COL2A1: variants seen among roughly 807,000 people sequenced by gnomAD.
COL2A1 encodes collagen alpha-1(II) chain.
COL2A1 carries 28 observed loss-of-function variants against 204.5 expected under a neutral mutation model. The ratio of observed to expected loss-of-function variants is 0.14; its 90% CI spans 0.10 to 0.19. The LOEUF (loss-of-function observed/expected upper bound fraction) is 0.19. Ranked by LOEUF, COL2A1 falls within the 10% of genes least tolerant of loss-of-function variation. The pLI, the probability that COL2A1 is intolerant of heterozygous loss-of-function variation, is 1.00. For missense variants in COL2A1, 1,388 were observed against 2,027.5 expected, an observed-to-expected ratio of 0.68 and a Z score of 6.06; for synonymous variants, 708 against 718.7, an observed-to-expected ratio of 0.99 and a Z score of 0.24.
chr12:47,994,619 C>T (rs548366201), intron 11 of COL2A1, 142 bp from the exon 12 acceptor site: 32 of 847,926 alleles, frequency 3.8e-5, no homozygotes, highest in Middle Eastern at 3.3e-4. Context: ...TCAGACTCCA[C>T]GTGCCTGGAT....
Position 47,995,877 on chromosome 12 carries a change from G to C in COL2A1, c.652C>G (p.Pro218Ala). ...CAAAAAGAATTGCAGATACTTACAG[G>C]AGCACCTGCAGGGCCTGGAGGTCCT... ...PRGPPGPAGAPGPQGFQGNPG... is the reference protein window; with the variant it reads ...PRGPPGPAGAAGPQGFQGNPG... Residue 218 changes from proline (P) to alanine (A), a missense_variant and splice_region_variant, in exon 9 of 54, where the codon CCT becomes GCT. By Grantham distance (27) the Pro-to-Ala change is conservative. Coordinates refer to ENST00000380518, the MANE Select transcript of COL2A1 (RefSeq NM_001844.5). 1 of 1,612,304 alleles carries C rather than the reference G, an allele frequency of 6.2e-7. No homozygotes were observed. The highest frequency in any genetic ancestry group is 8.5e-7 in the Non-Finnish European group (1 of 1,178,320).
At position 47,989,411 on chromosome 12, in the gene COL2A1, C is replaced by A. The variant is rs894085862; in HGVS notation, c.1069-130G>T. The A allele has an allele frequency of 1.0e-5, 9 of 865,060 alleles. No homozygotes were observed. In the Admixed American group the frequency reaches 1.2e-4, roughly 12 times the overall value. 53.6% of individuals were successfully genotyped at this position (865,060 alleles called of 1,614,324 possible). On this transcript the variant is annotated intron_variant, in intron 17 of 53. Coordinates refer to ENST00000380518, the MANE Select transcript of COL2A1 (RefSeq NM_001844.5). The stretch of plus-strand genomic sequence containing the variant: ...CTCCATATCCATTGTGGCTAAAAGG[C>A]CTTGGATGAAAATTGTCCCCATTGC...
At chr12:47,981,294 G>C (rs1939065908) in intron 37 of COL2A1, 49 bp downstream of exon 37, 1 of 1,592,762 alleles carries the variant, frequency 6.3e-7, no homozygotes, top group Non-Finnish European at 8.6e-7. Context: ...TGGCTCTCTG[G>C]TTCCCAGGGG....
intron 10 of COL2A1, 149 bp downstream of exon 10, chr12:47,995,561 C>A: frequency 1.1e-6 from 1 of 915,084 alleles, no homozygotes; most frequent in Non-Finnish European, 1.8e-6. Flanking sequence ...AGAGTTCCTC[C>A]ACAGCTAGGA....
intron 53 of COL2A1, 135 bp from the exon 54 acceptor site, chr12:47,973,688 G>T: frequency 9.6e-7 from 1 of 1,036,776 alleles, no homozygotes; most frequent in East Asian, 2.5e-5. Flanking sequence ...GGGGGCTCCT[G>T]AGACCTCTTC....
In COL2A1 at chr12:47,978,267, G is replaced by C. The variant is rs374124770; in HGVS notation, c.3003+24C>G. 9.9e-6 allele frequency: 16 copies of C among 1,612,058 alleles called. No homozygotes were observed. The African/African-American group carries it at 1.7e-4, about 17-fold the overall frequency. ...TGGCAGGCAGGGCCCAGCTTGGATGGAGGGAGGGATACCCCACACTCACCG... is the reference window on the plus strand; with the variant it reads ...TGGCAGGCAGGGCCCAGCTTGGATGCAGGGAGGGATACCCCACACTCACCG... On this transcript the variant is annotated intron_variant, in intron 43 of 53. Transcript: ENST00000380518. This position sits in a 1 kb window ranked among gnomAD's most constrained non-coding sequence, Gnocchi z 5.5.
At chr12:47,983,858 A>T in intron 29 of COL2A1, 122 bp from the exon 30 acceptor site, 1 of 1,069,952 alleles carries the variant, frequency 9.3e-7, no homozygotes, top group Non-Finnish European at 1.4e-6. Flanking sequence ...CACCACTCAG[A>T]CAGTGCATGC....
chr12:47,990,230 G>A (rs1470238783), intron 16 of COL2A1, among the ~76,000 whole-genome samples: 1 of 152,074 alleles, frequency 6.6e-6, no homozygotes, highest in African/African-American at 2.4e-5. Context: ...GGCTGGTCTG[G>A]AACTCCTGAC....
intron 33 of COL2A1, 51 bp from the exon 34 acceptor site, chr12:47,982,660 ACC>A: frequency 7.2e-7 from 1 of 1,391,134 alleles, no homozygotes; most frequent in Non-Finnish European, 1.0e-6. Flanking sequence ...CTCTCCCTGA[ACC>A]CATGTTCATG....
intron 16 of COL2A1, among the ~76,000 whole-genome samples, chr12:47,992,248 G>A (rs1268455004): frequency 2.0e-5 from 3 of 152,044 alleles, no homozygotes; most frequent in Non-Finnish European, 4.4e-5. Flanking sequence ...ATTAACTAGA[G>A]GCCACCAGAG....
In COL2A1 at chr12:47,983,504, C is replaced by T. The variant is rs372093165; in HGVS notation, c.1996-66G>A. ...TGCTGCCCTGGCCCCCAGGGAGGCA[C>T]AGTATAGGGCAGACCCAAAGAAAGG... On this transcript the variant is annotated intron_variant, in intron 30 of 53. Transcript: ENST00000380518. 6.0e-4 allele frequency: 920 copies of T among 1,532,698 alleles called. 5 individuals carry two copies. Among genetic ancestry groups the T allele is most frequent in the South Asian group, 3.3e-3 (292 of 88,192 alleles). The allele number at this position is 1,532,698 out of a possible 1,614,324, so 94.9% of individuals were successfully genotyped here.
chr12:48,000,974 T>A (rs564463637), intron 1 of COL2A1: 1 of 152,322 alleles, frequency 6.6e-6, no homozygotes, highest in Admixed American at 6.5e-5. Context: ...GGAGCAGGGG[T>A]CGTTGAATAC....
rs1331446372 is a variant in COL2A1, at chr12:47,993,441, A to G, written c.969+17T>C. 9.4e-6 allele frequency: 15 copies of G among 1,600,316 alleles called. No individual in the cohort carries two copies. The highest frequency in any genetic ancestry group is 1.3e-5 in the Non-Finnish European group (15 of 1,167,512). On this transcript the variant is annotated intron_variant, in intron 15 of 53. Transcript: ENST00000380518. The stretch of plus-strand genomic sequence containing the variant: ...AAGAGTCTTTGATAAACCTTCCTGG[A>G]GGGTGTCCATACTTACCATTGGGCC...
At position 47,980,758 on chromosome 12, in the gene COL2A1, G is replaced by A. The variant is rs890634115; in HGVS notation, c.2518-97C>T. 1 of 1,412,360 alleles carries A rather than the reference G, an allele frequency of 7.1e-7. No individual in the cohort carries two copies. The highest frequency in any genetic ancestry group is 9.8e-7 in the Non-Finnish European group (1 of 1,019,522). The allele number at this position is 1,412,360 out of a possible 1,614,324, so 87.5% of individuals were successfully genotyped here. On this transcript the variant is annotated intron_variant, in intron 38 of 53. Coordinates refer to ENST00000380518, the MANE Select transcript of COL2A1 (RefSeq NM_001844.5). This position sits in a 1 kb window ranked among gnomAD's most constrained non-coding sequence, Gnocchi z 4.5. ...AGACTCTGTGAGTATCTGCGTGTGT[G>A]TCCTGGTCTGGACATGATGGTTCTA...
chr12:48,004,645 C>G (rs965578175), upstream of COL2A1: 15 of 233,194 alleles, frequency 6.4e-5, no homozygotes, highest in South Asian at 1.4e-4. Context: ...CAAGCCGGAC[C>G]CCCCTCTCTG....
chr12:47,979,746 G>A (rs565916291), intron 40 of COL2A1, among the ~76,000 whole-genome samples, 182 bp from the exon 41 acceptor site: 1 of 152,328 alleles, frequency 6.6e-6, no homozygotes, highest in South Asian at 2.1e-4. Flanking sequence ...GCAGGCACAG[G>A]CTGTTTCCCT....
upstream of COL2A1, chr12:48,005,601 C>T (rs1163057038): frequency 6.6e-6 from 1 of 152,282 alleles, no homozygotes; most frequent in Non-Finnish European, 1.5e-5. Context: ...CCTCTCTCAC[C>T]TTAGCCAAAC....
intron 5 of COL2A1, 26 bp from the exon 6 acceptor site, chr12:47,997,950 G>A (rs907636711): frequency 6.2e-7 from 1 of 1,614,154 alleles, no homozygotes; most frequent in Non-Finnish European, 8.5e-7. Flanking sequence ...ATGGTAAGAT[G>A]ACAGCAAGGC....
At chr12:47,991,993 G>C (rs1302577611) in intron 16 of COL2A1, among the ~76,000 whole-genome samples, 1 of 152,216 alleles carries the variant, frequency 6.6e-6, no homozygotes, top group Non-Finnish European at 1.5e-5. Context: ...CAGCACAACG[G>C]AGTGAAGCTG....
Sources: allele counts gnomAD v4.1 joint callset (sites outside exome capture counted in the v4.1 genomes callset), GRCh38; gene constraint gnomAD v4.1.1; non-coding constraint Gnocchi (gnomAD v3.1); transcripts MANE v1.5; gene names NCBI Gene and HGNC (gene_info 2026-07-23, HGNC 2026-07-21).